The following PRKCE variants were observed in gnomAD, a reference collection of about 807,000 sequenced individuals.
PRKCE encodes protein kinase C epsilon, also known as protein kinase C epsilon type.
Under a neutral mutation model 85.4 loss-of-function variants are expected in PRKCE, and 16 were observed. The ratio of observed to expected loss-of-function variants is 0.19; its 90% CI spans 0.13 to 0.28. The LOEUF is 0.28. Among genes scored for constraint, PRKCE ranks in the 10% least tolerant of loss-of-function variants. The probability of loss-of-function intolerance (pLI) is 1.00; values close to 1 mark genes in which losing one functional copy is unlikely to be tolerated. For missense variants in PRKCE, 573 were observed against 975.2 expected (o/e 0.59, Z 5.49); for synonymous variants, 388 against 371.5 (o/e 1.04, Z -0.51).
intron 10 of PRKCE, among the ~76,000 whole-genome samples, chr2:46,016,863 C>T (rs1302365156): frequency 6.7e-6 from 1 of 148,278 alleles, no homozygotes; most frequent in Non-Finnish European, 1.5e-5. Flanking sequence ...GAGCCGAGAT[C>T]GTCCCACTGC....
intron 11 of PRKCE, among the ~76,000 whole-genome samples, chr2:46,095,435 C>T (rs1396453871): frequency 2.0e-5 from 3 of 152,184 alleles, no homozygotes; most frequent in Non-Finnish European, 4.4e-5. Flanking sequence ...TGTTTCACTT[C>T]TCCAGAGAAT....
chr2:45,896,531 T>A (rs1378475698), intron 2 of PRKCE, among the ~76,000 whole-genome samples: 1 of 152,254 alleles, frequency 6.6e-6, no homozygotes, highest in African/African-American at 2.4e-5. Flanking sequence ...GACTTTTATA[T>A]ACTAGGTTTA....
chr2:46,084,812 G>T (rs1334532594), intron 10 of PRKCE, among the ~76,000 whole-genome samples: 3 of 151,382 alleles, frequency 2.0e-5, no homozygotes, highest in Non-Finnish European at 4.4e-5. Context: ...CAACTGATCT[G>T]GTCAGTTTAC....
intron 1 of PRKCE, among the ~76,000 whole-genome samples, chr2:45,704,296 T>C (rs913136479): frequency 3.9e-5 from 6 of 152,236 alleles, no homozygotes; most frequent in Admixed American, 6.5e-5. Context: ...TTGTAGATTG[T>C]TCATTTTTCA....
intron 1 of PRKCE, among the ~76,000 whole-genome samples, chr2:45,741,362 T>G (rs1026611453): frequency 6.6e-6 from 1 of 152,234 alleles, no homozygotes; most frequent in Non-Finnish European, 1.5e-5. Flanking sequence ...TCTGACACTT[T>G]CTGGCCTTAA....
chr2:46,136,685 T>A (rs555542065), intron 11 of PRKCE, among the ~76,000 whole-genome samples: 113 of 152,316 alleles, frequency 7.4e-4, no homozygotes, highest in Non-Finnish European at 1.4e-3. Context: ...GTCTGGAAGC[T>A]GTCGCATGAA....
intron 2 of PRKCE, among the ~76,000 whole-genome samples, chr2:45,953,217 A>G (rs1444532196): frequency 1.3e-5 from 2 of 152,256 alleles, no homozygotes; most frequent in South Asian, 4.2e-4. Context: ...TACCTAGAGG[A>G]TCTCAGAACC....
chr2:45,652,074 C>A lies in PRKCE; in HGVS notation c.-27C>A, dbSNP rs12615066. The A allele has an allele frequency of 2.7e-6, 4 of 1,487,972 alleles. No individual in the cohort carries two copies. The highest frequency in any genetic ancestry group is 2.6e-5 in the South Asian group (2 of 77,162). The allele number at this position is 1,487,972 out of a possible 1,614,324, so 92.2% of individuals were successfully genotyped here. On this transcript the variant is annotated 5_prime_UTR_variant, in exon 1 of 15. Transcript: ENST00000306156. The surrounding 1 kb of genome is among the most constrained non-coding windows in gnomAD (Gnocchi z 7.7). ...CCTGCCCTCGGGGCAGACGGAGTGA[C>A]CCCGGCCCCCACTCCCCGCCCCGAC...
At chr2:45,884,540 G>A (rs1573740879) in intron 2 of PRKCE, among the ~76,000 whole-genome samples, 1 of 152,120 alleles carries the variant, frequency 6.6e-6, no homozygotes, top group Non-Finnish European at 1.5e-5. Context: ...CAAGTGTCTT[G>A]TCTCGACACC....
In PRKCE at chr2:46,104,420, T is replaced by C. The variant is rs1180605241; in HGVS notation, c.1592+18058T>C. Among the ~76,000 whole-genome samples the C allele has an allele frequency of 2.6e-5, 4 of 152,264 alleles. No homozygotes were observed. In the East Asian group the frequency reaches 7.7e-4, roughly 29 times the overall value. On this transcript the variant is annotated intron_variant, in intron 11 of 14. Transcript: ENST00000306156. ...TTTTCTCCTACAGGTATTTATTGTT[T>C]CAGGCTTAATGGCTTTCATGGCTTT...
chr2:45,732,898 C>A (rs1040590485), intron 1 of PRKCE, among the ~76,000 whole-genome samples: 1 of 152,076 alleles, frequency 6.6e-6, no homozygotes. Flanking sequence ...GAAGTTAAAT[C>A]GTTATAATTA....
rs146022439 is a variant in PRKCE at position 45,790,358 on chromosome 2, G to C, written c.349-52642G>C. ...AGGGTGGCAGCACGTGGGAAAACTTGCAGGATGCGCTGAGAAAAACACACA... is the reference window on the plus strand; with the variant it reads ...AGGGTGGCAGCACGTGGGAAAACTTCCAGGATGCGCTGAGAAAAACACACA... On this transcript the variant is annotated intron_variant, in intron 1 of 14. Coordinates refer to ENST00000306156, the MANE Select transcript of PRKCE (RefSeq NM_005400.3). 2.8e-3 allele frequency among the ~76,000 whole-genome samples: 432 copies of C among 152,324 alleles called. 1 individual carries two copies. The highest frequency in any genetic ancestry group is 9.9e-3 in the African/African-American group (413 of 41,566).
At chr2:45,766,459 T>C (rs1221829872) in intron 1 of PRKCE, among the ~76,000 whole-genome samples, 1 of 152,200 alleles carries the variant, frequency 6.6e-6, no homozygotes, top group Non-Finnish European at 1.5e-5. Flanking sequence ...GCAGACCTTC[T>C]ATTTCCCTTT....
intron 1 of PRKCE, among the ~76,000 whole-genome samples, chr2:45,835,372 A>G (rs765266545): frequency 1.9e-4 from 29 of 152,154 alleles, no homozygotes; most frequent in Non-Finnish European, 3.1e-4. Context: ...AGCCACCACA[A>G]TCAGGATAGA....
At chr2:45,860,197 C>G (rs1055253169) in intron 2 of PRKCE, among the ~76,000 whole-genome samples, 4 of 152,210 alleles carry the variant, frequency 2.6e-5, no homozygotes, top group Non-Finnish European at 4.4e-5. Flanking sequence ...AGTACCTGCT[C>G]AGTAAGTATT....
chr2:45,821,278 A>T (rs901157795), intron 1 of PRKCE, among the ~76,000 whole-genome samples: 3 of 152,206 alleles, frequency 2.0e-5, no homozygotes, highest in Non-Finnish European at 2.9e-5. Context: ...GGAGGTAATT[A>T]TCTCCCCTAA....
chr2:45,782,331 C>G (rs1686252926), intron 1 of PRKCE, among the ~76,000 whole-genome samples: 2 of 152,152 alleles, frequency 1.3e-5, no homozygotes, highest in African/African-American at 2.4e-5. Flanking sequence ...TGTCACAACA[C>G]AAACCCCAGA....
chr2:46,086,423 T>A, intron 11 of PRKCE, 61 bp downstream of exon 11: 2 of 1,550,088 alleles, frequency 1.3e-6, no homozygotes, highest in Non-Finnish European at 1.7e-6. Flanking sequence ...CTTCAGACAC[T>A]TGAACTGACT....
At chr2:45,728,833 C>A (rs1040747598) in intron 1 of PRKCE, among the ~76,000 whole-genome samples, 1 of 152,214 alleles carries the variant, frequency 6.6e-6, no homozygotes, top group Non-Finnish European at 1.5e-5. Context: ...TGACCATCAT[C>A]TCTCCTTTAA....
Sources: gnomAD v4.1 joint callset for allele counts (sites outside exome capture counted in the v4.1 genomes callset) on GRCh38, gnomAD v4.1.1 for gene constraint, Gnocchi (gnomAD v3.1) non-coding constraint, MANE v1.5 for transcripts, NCBI Gene and HGNC (gene_info 2026-07-23, HGNC 2026-07-21) for gene names.